The following ADAMTS18 variants were observed in gnomAD, a reference collection of about 807,000 sequenced individuals.
The protein encoded by ADAMTS18 is A disintegrin and metalloproteinase with thrombospondin motifs 18.
In ADAMTS18, 157 loss-of-function variants were observed where a neutral mutation model predicts 165.9. The observed-to-expected ratio is 0.95, with a 90% CI of 0.83 to 1.08. The LOEUF (loss-of-function observed/expected upper bound fraction) is 1.08, where lower values mean the gene tolerates loss of function less well. Ranked by LOEUF, ADAMTS18 falls within the 50% of genes least tolerant of loss-of-function variation. The pLI is 0.00. For missense variants in ADAMTS18, 2,040 were observed against 1,534.0 expected, an observed-to-expected ratio of 1.33 and a Z score of -5.51; for synonymous variants, 782 against 578.2, an observed-to-expected ratio of 1.35 and a Z score of -5.06.
chr16:77,425,901 C>A (rs1406196539), intron 3 of ADAMTS18, among the ~76,000 whole-genome samples: 15 of 152,046 alleles, frequency 9.9e-5, no homozygotes, highest in Non-Finnish European at 4.4e-5. Flanking sequence ...AAAAAATTAG[C>A]CAGGCGTGGT....
intron 16 of ADAMTS18, among the ~76,000 whole-genome samples, chr16:77,317,454 C>T (rs899492608): frequency 6.6e-6 from 1 of 152,142 alleles, no homozygotes; most frequent in Non-Finnish European, 1.5e-5. Context: ...CTGCCTCAGC[C>T]TCCCGACTAG....
At chr16:77,379,969 C>A (rs2057008704) in intron 3 of ADAMTS18, among the ~76,000 whole-genome samples, 1 of 152,194 alleles carries the variant, frequency 6.6e-6, no homozygotes, top group African/African-American at 2.4e-5. Context: ...CATGCAGTGT[C>A]TATGCACTCT....
chr16:77,371,343 G>A (rs4038550), intron 3 of ADAMTS18, among the ~76,000 whole-genome samples: 48,076 of 151,958 alleles, frequency 0.32, 8,604 homozygotes, highest in East Asian at 0.57. Context: ...TGAGCAAAAA[G>A]GAACACAGCT....
Position 77,431,595 on chromosome 16 carries a change from C to A in ADAMTS18, c.195G>T (p.Thr65=), listed in dbSNP as rs781013915. 8 of 1,613,888 alleles carry A rather than the reference C, an allele frequency of 5.0e-6. No homozygotes were observed. The African/African-American group carries it at 8.0e-5, about 16-fold the overall frequency. ...ACCCGGCTGAGTCTACTTCTACTGG[C>A]GTGACAAAGACGTAATCTGCAATGG... ...SGLNDDYVFV[T]PVEVDSAGSY... is the part of the protein sequence containing the mutation. The change falls in exon 3 of 23, where the codon ACG becomes ACT. Residue 65 remains threonine, a synonymous_variant. Transcript: ENST00000282849.
chr16:77,372,914 A>T (rs1265399001), intron 3 of ADAMTS18, among the ~76,000 whole-genome samples: 1 of 152,174 alleles, frequency 6.6e-6, no homozygotes, highest in Admixed American at 6.5e-5. Flanking sequence ...CTCTGGTATT[A>T]ATCACAAATT....
chr16:77,363,983 T>C (rs987385309), intron 5 of ADAMTS18, 98 bp from the exon 6 acceptor site: 3 of 1,287,046 alleles, frequency 2.3e-6, no homozygotes, highest in South Asian at 1.2e-5. Flanking sequence ...GCTTTAATTT[T>C]ACCAAATATA....
chr16:77,368,798 T>A (rs2056836134), intron 3 of ADAMTS18, among the ~76,000 whole-genome samples: 1 of 152,108 alleles, frequency 6.6e-6, no homozygotes, highest in Non-Finnish European at 1.5e-5. Context: ...GATCTCTAAG[T>A]GGGGGTCTAG....
intron 3 of ADAMTS18, among the ~76,000 whole-genome samples, chr16:77,415,116 T>C (rs2057513228): frequency 1.3e-5 from 2 of 152,224 alleles, no homozygotes; most frequent in Admixed American, 6.5e-5. Flanking sequence ...GATGCCATAA[T>C]ACTCTGTGCT....
chr16:77,409,314 G>T (rs1321260283), intron 3 of ADAMTS18, among the ~76,000 whole-genome samples: 2 of 152,136 alleles, frequency 1.3e-5, no homozygotes, highest in Non-Finnish European at 2.9e-5. Flanking sequence ...CCACATTTTA[G>T]TCAAAACCTT....
At chr16:77,357,169 T>C (rs2056644195) in intron 8 of ADAMTS18, among the ~76,000 whole-genome samples, 1 of 152,126 alleles carries the variant, frequency 6.6e-6, no homozygotes, top group African/African-American at 2.4e-5. Flanking sequence ...TATAATTTCA[T>C]TTATAGAGTT....
intron 3 of ADAMTS18, among the ~76,000 whole-genome samples, chr16:77,429,756 C>T (rs2057716171): frequency 6.6e-6 from 1 of 152,118 alleles, no homozygotes; most frequent in African/African-American, 2.4e-5. Flanking sequence ...GAGTGCTAAA[C>T]ATGAGGAGGC....
intron 17 of ADAMTS18, among the ~76,000 whole-genome samples, chr16:77,298,299 T>A (rs1449944081): frequency 6.6e-6 from 1 of 152,172 alleles, no homozygotes; most frequent in Non-Finnish European, 1.5e-5. Flanking sequence ...ATATATTTTT[T>A]TAAAAATGTG....
intron 3 of ADAMTS18, among the ~76,000 whole-genome samples, chr16:77,376,662 T>C (rs981631521): frequency 6.6e-6 from 1 of 152,214 alleles, no homozygotes; most frequent in African/African-American, 2.4e-5. Flanking sequence ...ACTTAGCTGC[T>C]AAAGCTTAAA....
At position 77,434,523 on chromosome 16, in the gene ADAMTS18, A is replaced by T. The variant is rs1311259995; in HGVS notation, c.91-18T>A. On this transcript the variant is annotated intron_variant, in intron 1 of 22. Transcript: ENST00000282849. ...TGGAGCGCCTGCAAGAGAAAAGGTGACATCGCGCGTGAGGGGCGCGGCGGG... is the reference window on the plus strand; with the variant it reads ...TGGAGCGCCTGCAAGAGAAAAGGTGTCATCGCGCGTGAGGGGCGCGGCGGG... 1.9e-6 allele frequency: 3 copies of T among 1,546,764 alleles called. No homozygotes were observed. The highest frequency in any genetic ancestry group is 4.8e-5 in the East Asian group (2 of 41,664).
At chr16:77,306,401 G>C (rs1339115288) in intron 16 of ADAMTS18, among the ~76,000 whole-genome samples, 1 of 152,222 alleles carries the variant, frequency 6.6e-6, no homozygotes. Flanking sequence ...AGGGGATGCA[G>C]TTTCTGTTTA....
At chr16:77,412,480 A>G (rs2057477857) in intron 3 of ADAMTS18, among the ~76,000 whole-genome samples, 1 of 152,268 alleles carries the variant, frequency 6.6e-6, no homozygotes, top group African/African-American at 2.4e-5. Context: ...GTATGCCACC[A>G]TACCCAGCTG....
Position 77,431,427 on chromosome 16 carries a change from G to C in ADAMTS18, c.363C>G (p.His121Gln). The change falls in exon 3 of 23, where the codon CAC becomes CAG. Residue 121 changes from histidine (H) to glutamine (Q), a missense_variant. Transcript: ENST00000282849. ...ELKPSAILSS[H>Q]FIVQVLGKDG... Reference sequence around the variant, plus strand: ...CTTTTCCAAGTACCTGGACAATAAAGTGACTGCTCAAAATCGCCGAGGGCT... The same window carrying C: ...CTTTTCCAAGTACCTGGACAATAAACTGACTGCTCAAAATCGCCGAGGGCT... The C allele has an allele frequency of 6.2e-7, 1 of 1,614,182 alleles. No homozygotes were observed. The highest frequency in any genetic ancestry group is 8.5e-7 in the Non-Finnish European group (1 of 1,180,038).
intron 2 of ADAMTS18, among the ~76,000 whole-genome samples, chr16:77,433,155 G>A (rs1016794367): frequency 9.9e-5 from 15 of 152,144 alleles, no homozygotes; most frequent in African/African-American, 3.1e-4. Flanking sequence ...CAATTTCTTA[G>A]AGAAAGTCTA....
At chr16:77,369,385 T>C (rs1158184108) in intron 3 of ADAMTS18, among the ~76,000 whole-genome samples, 1 of 152,218 alleles carries the variant, frequency 6.6e-6, no homozygotes, top group Non-Finnish European at 1.5e-5. Flanking sequence ...TAATTTTGGG[T>C]TTAGTTTGTT....
Sources: gnomAD v4.1 joint callset for allele counts (sites outside exome capture counted in the v4.1 genomes callset) on GRCh38, gnomAD v4.1.1 for gene constraint, MANE v1.5 for transcripts, NCBI Gene and HGNC (gene_info 2026-07-23, HGNC 2026-07-21) for gene names.